AGBL4: variants seen among roughly 807,000 people sequenced by gnomAD.
AGBL4 encodes cytosolic carboxypeptidase 6.
In AGBL4, 58 loss-of-function variants were observed where a neutral mutation model predicts 66.4. The ratio of observed to expected loss-of-function variants is 0.87; its 90% CI spans 0.71 to 1.09. The LOEUF (loss-of-function observed/expected upper bound fraction) is 1.09, where lower values mean the gene tolerates loss of function less well. Ranked by LOEUF, AGBL4 falls within the 50% of genes least tolerant of loss-of-function variation. The probability of loss-of-function intolerance (pLI) is 0.00; values close to 1 mark genes in which losing one functional copy is unlikely to be tolerated. For synonymous variants in AGBL4, 234 were observed against 222.9 expected (o/e 1.05, Z -0.44); for missense variants, 579 against 631.0 (o/e 0.92, Z 0.88).
chr1:48,668,264 GC>G (rs1646220980), intron 6 of AGBL4, among the ~76,000 whole-genome samples: 1 of 152,160 alleles, frequency 6.6e-6, no homozygotes, highest in Admixed American at 6.5e-5. Context: ...GACTGGAACA[GC>G]CCTGGCACTG....
chr1:49,188,490 C>A (rs1310150050), intron 4 of AGBL4, among the ~76,000 whole-genome samples: 1 of 152,088 alleles, frequency 6.6e-6, no homozygotes, highest in Non-Finnish European at 1.5e-5. Context: ...AAAAACAGTC[C>A]CTGCCCTCAG....
chr1:49,986,650 C>T (rs1422594521), intron 1 of AGBL4, among the ~76,000 whole-genome samples: 25 of 152,066 alleles, frequency 1.6e-4, no homozygotes, highest in Non-Finnish European at 2.9e-5. Flanking sequence ...CAGAGCTCCA[C>T]ATACTGTGTG....
At chr1:49,227,159 A>G (rs1459778939) in intron 4 of AGBL4, among the ~76,000 whole-genome samples, 1 of 152,210 alleles carries the variant, frequency 6.6e-6, no homozygotes, top group Non-Finnish European at 1.5e-5. Flanking sequence ...AAATTTTGTA[A>G]TTATATATTT....
chr1:48,946,944 G>A (rs1656563976), intron 5 of AGBL4, among the ~76,000 whole-genome samples: 1 of 152,192 alleles, frequency 6.6e-6, no homozygotes, highest in Admixed American at 6.5e-5. Flanking sequence ...GCACACCTGA[G>A]GTACCTGGAA....
At chr1:49,371,834 T>C (rs1644352450) in intron 3 of AGBL4, among the ~76,000 whole-genome samples, 1 of 147,870 alleles carries the variant, frequency 6.8e-6, no homozygotes, top group Non-Finnish European at 1.5e-5. Flanking sequence ...TGTGTGTGTG[T>C]GTGTGTGTGT....
intron 8 of AGBL4, among the ~76,000 whole-genome samples, chr1:48,635,277 G>A (rs963589714): frequency 2.0e-5 from 3 of 152,176 alleles, no homozygotes; most frequent in Non-Finnish European, 4.4e-5. Context: ...ACAGCTAGTT[G>A]CATGTGTGGA....
At chr1:48,552,696 G>C (rs1260754848) in intron 11 of AGBL4, among the ~76,000 whole-genome samples, 1 of 152,142 alleles carries the variant, frequency 6.6e-6, no homozygotes, top group African/African-American at 2.4e-5. Flanking sequence ...ACACACCTGG[G>C]GGTGAGAACC....
intron 2 of AGBL4, among the ~76,000 whole-genome samples, chr1:49,770,326 A>C (rs1390603275): frequency 2.0e-5 from 3 of 152,194 alleles, no homozygotes; most frequent in Non-Finnish European, 2.9e-5. Context: ...TATCACATTT[A>C]TTGATTTGCA....
At chr1:49,467,400 G>C (rs1646653561) in intron 3 of AGBL4, among the ~76,000 whole-genome samples, 1 of 151,812 alleles carries the variant, frequency 6.6e-6, no homozygotes, top group East Asian at 1.9e-4. Context: ...TTCAATATTT[G>C]TTCTCATACA....
chr1:49,384,368 C>T lies in AGBL4; in HGVS notation c.283-138504G>A, dbSNP rs199570095. On this transcript the variant is annotated intron_variant, in intron 3 of 13. Coordinates refer to ENST00000371839, the MANE Select transcript of AGBL4 (RefSeq NM_032785.4). Reference sequence around the variant, plus strand: ...CAGCATTTTGGGAGGTCGAGGCGGGCGGATCATGAGGTCAGGAGCTCGAGA... The same window carrying T: ...CAGCATTTTGGGAGGTCGAGGCGGGTGGATCATGAGGTCAGGAGCTCGAGA... Among the ~76,000 whole-genome samples the T allele has an allele frequency of 3.9e-4, 59 of 151,332 alleles. No individual in the cohort carries two copies. In the Middle Eastern group the frequency reaches 0.01, roughly 26 times the overall value.
At chr1:49,506,562 T>C (rs1648707828) in intron 3 of AGBL4, among the ~76,000 whole-genome samples, 1 of 152,014 alleles carries the variant, frequency 6.6e-6, no homozygotes, top group Admixed American at 6.6e-5. Context: ...CCTACCAGTA[T>C]GTAAGACATG....
At chr1:49,022,337 G>C (rs184776883) in intron 5 of AGBL4, among the ~76,000 whole-genome samples, 5 of 151,772 alleles carry the variant, frequency 3.3e-5, no homozygotes, top group African/African-American at 7.2e-5. Flanking sequence ...GAATTCTTAG[G>C]TTCCATTTTC....
At chr1:49,535,966 C>G (rs549444623) in intron 3 of AGBL4, among the ~76,000 whole-genome samples, 1 of 152,222 alleles carries the variant, frequency 6.6e-6, no homozygotes, top group African/African-American at 2.4e-5. Flanking sequence ...GCTGGGATTA[C>G]AGGCGTGAGC....
chr1:49,632,405 G>A (rs1645587706), intron 3 of AGBL4, among the ~76,000 whole-genome samples: 1 of 152,182 alleles, frequency 6.6e-6, no homozygotes, highest in Non-Finnish European at 1.5e-5. Flanking sequence ...ATGAAAACTA[G>A]TTAACAAGAC....
chr1:48,789,923 G>C (rs1032197053), intron 6 of AGBL4, among the ~76,000 whole-genome samples: 1 of 152,148 alleles, frequency 6.6e-6, no homozygotes, highest in Non-Finnish European at 1.5e-5. Context: ...TTCCTAGGTG[G>C]AGGCAGACCT....
intron 3 of AGBL4, among the ~76,000 whole-genome samples, chr1:49,509,264 T>C (rs1648977017): frequency 1.3e-5 from 2 of 151,796 alleles, no homozygotes; most frequent in South Asian, 4.1e-4. Flanking sequence ...GATAGGAAAG[T>C]GTATGGCAGA....
At chr1:49,706,017 T>A (rs929830368) in intron 2 of AGBL4, among the ~76,000 whole-genome samples, 3 of 152,048 alleles carry the variant, frequency 2.0e-5, no homozygotes, top group African/African-American at 7.2e-5. Flanking sequence ...TTTTGTTTTT[T>A]TGTCGTGTCT....
At chr1:49,554,957 A>C (rs1459155048) in intron 3 of AGBL4, among the ~76,000 whole-genome samples, 1 of 152,182 alleles carries the variant, frequency 6.6e-6, no homozygotes, top group African/African-American at 2.4e-5. Flanking sequence ...TGAGTGTTAA[A>C]GCTCTTAAAG....
intron 1 of AGBL4, among the ~76,000 whole-genome samples, chr1:49,962,084 G>A (rs540600420): frequency 6.6e-6 from 1 of 151,990 alleles, no homozygotes; most frequent in South Asian, 2.1e-4. Flanking sequence ...GAAATACAGG[G>A]GAAAAGAAGA....
Sources: allele counts gnomAD v4.1 joint callset (sites outside exome capture counted in the v4.1 genomes callset), GRCh38; gene constraint gnomAD v4.1.1; transcripts MANE v1.5; gene names NCBI Gene and HGNC (gene_info 2026-07-23, HGNC 2026-07-21).